The following TCF3 variants were observed in gnomAD, a reference collection of about 807,000 sequenced individuals.
TCF3 encodes the protein transcription factor 3.
In TCF3, 54 loss-of-function variants were observed where a neutral mutation model predicts 72.3. That is an observed-to-expected ratio of 0.75 (90% CI 0.60 to 0.94). TCF3 has a LOEUF of 0.94. Ranked by LOEUF, TCF3 falls within the 40% of genes least tolerant of loss-of-function variation. TCF3 has a pLI of 0.00. For synonymous variants in TCF3, 525 were observed against 412.6 expected, an observed-to-expected ratio of 1.27 and a Z score of -3.30; for missense variants, 1,078 against 934.4, an observed-to-expected ratio of 1.15 and a Z score of -2.00.
At chr19:1,624,581 C>T (rs1370560721) in intron 7 of TCF3, among the ~76,000 whole-genome samples, 4 of 152,134 alleles carry the variant, frequency 2.6e-5, no homozygotes, top group Non-Finnish European at 4.4e-5. Flanking sequence ...CCAAGATGGC[C>T]CCGACTATCC....
Position 1,646,741 on chromosome 19 carries a change from G to A in TCF3, c.73-314C>T, listed in dbSNP as rs544953087. Among the ~76,000 whole-genome samples, 4 of 152,358 alleles carry A rather than the reference G, an allele frequency of 2.6e-5. No individual in the cohort carries two copies. In the South Asian group the frequency reaches 6.2e-4, roughly 24 times the overall value. On this transcript the variant is annotated intron_variant, in intron 2 of 18. Transcript: ENST00000262965. Reference sequence around the variant, plus strand: ...TGTTCCCCCTGCCTTTGCTCTGGGGGGAGGGGTATCCCATTAGGCGAAGGA... The same window carrying A: ...TGTTCCCCCTGCCTTTGCTCTGGGGAGAGGGGTATCCCATTAGGCGAAGGA...
chr19:1,627,619 C>T (rs886967296), intron 5 of TCF3, among the ~76,000 whole-genome samples, 193 bp from the exon 6 acceptor site: 29 of 152,200 alleles, frequency 1.9e-4, no homozygotes, highest in East Asian at 7.7e-4. Flanking sequence ...GCCCATCTCC[C>T]GCAGAGCCCT....
At chr19:1,620,338 C>T (rs1017291899) in intron 13 of TCF3, among the ~76,000 whole-genome samples, 1 of 152,108 alleles carries the variant, frequency 6.6e-6, no homozygotes, top group Non-Finnish European at 1.5e-5. Context: ...GTTCTCACTC[C>T]CCCTCCTCCT....
intron 3 of TCF3, among the ~76,000 whole-genome samples, chr19:1,643,858 G>A (rs545540303): frequency 6.6e-6 from 1 of 152,354 alleles, no homozygotes; most frequent in South Asian, 2.1e-4. Flanking sequence ...AAAGCGAGGT[G>A]ACTTAAAAGG....
In TCF3 at chr19:1,636,961, G is replaced by T. The variant is rs535517885; in HGVS notation, c.146-4556C>A. ...ACCACACACCACCCTAAGAGTGGGG[G>T]TCCCCACAGCACCTAAAGTGGCAGG... is the stretch of plus-strand genomic sequence containing the variant. On this transcript the variant is annotated intron_variant, in intron 3 of 18. Transcript: ENST00000262965. 3.3e-5 allele frequency among the ~76,000 whole-genome samples: 5 copies of T among 152,278 alleles called. No homozygotes were observed. In the East Asian group the frequency reaches 9.7e-4, roughly 29 times the overall value.
At position 1,623,962 on chromosome 19, in the gene TCF3, G is replaced by A; in HGVS notation, c.538C>T (p.Leu180Phe). The change falls in exon 8 of 19, where the codon CTT (leucine) becomes TTT (phenylalanine). Residue 180 changes from leucine (L) to phenylalanine (F), a missense_variant. Physicochemically the swap from Leu to Phe is conservative, Grantham distance 22 (BLOSUM62 0). Transcript: ENST00000262965. The part of the protein sequence containing the change: ...PKKVRKVPPG[L>F]PSSVYPPSSG... ...CTCGTGCGACTCACCGAGGATGGAA[G>A]ACCCGGCGGGACCTTCCGGACCTTC... 5.0e-6 allele frequency: 8 copies of A among 1,613,546 alleles called. No homozygotes were observed. The highest frequency in any genetic ancestry group is 4.5e-5 in the East Asian group (2 of 44,888).
In TCF3 at chr19:1,611,601, GGT is replaced by G. The variant is rs2060989146; in HGVS notation, c.*104_*105del. The G allele has an allele frequency of 7.0e-7, 1 of 1,438,794 alleles. No homozygotes were observed. The highest frequency in any genetic ancestry group is 9.3e-7 in the Non-Finnish European group (1 of 1,070,000). 89.1% of individuals were successfully genotyped at this position (1,438,794 alleles called of 1,614,324 possible). A position where few individuals can be genotyped will look rare whatever the true frequency, so the allele number is the denominator to read the frequency against. On this transcript the variant is annotated 3_prime_UTR_variant, in exon 19 of 19. Coordinates refer to ENST00000262965, the MANE Select transcript of TCF3 (RefSeq NM_003200.5). Reference sequence around the variant, plus strand: ...TGGTGTTGGCTCGATGCTGACAACAGGTGTGTGAGGTGTGGATGTGGATGAAG... The same window carrying G: ...TGGTGTTGGCTCGATGCTGACAACAGGTGTGAGGTGTGGATGTGGATGAAG...
At position 1,609,442 on chromosome 19, in the gene TCF3, T is replaced by C. The variant is rs11882971; in HGVS notation, c.*2265A>G. The C allele has an allele frequency of 3.2e-3, 683 of 212,966 alleles. 8 individuals are homozygous for C. The highest frequency in any genetic ancestry group is 0.015 in the African/African-American group (652 of 43,998). The allele number at this position is 212,966 out of a possible 1,614,324, so 13.2% of individuals were successfully genotyped here. The stretch of plus-strand genomic sequence containing the variant: ...ATTATTTTCTTTAAAAAAATTTTTT[T>C]GAAAACCATCTTGAGGCACTCAGAT... On this transcript the variant is annotated 3_prime_UTR_variant, in exon 19 of 19. Coordinates refer to ENST00000262965, the MANE Select transcript of TCF3 (RefSeq NM_003200.5).
rs946121090 is a variant in TCF3, at chr19:1,631,825, A to G, written c.298+213T>C. 1.2e-5 allele frequency: 16 copies of G among 1,294,376 alleles called. No homozygotes were observed. In the African/African-American group the frequency reaches 2.2e-4, roughly 18 times the overall value. 80.2% of individuals were successfully genotyped at this position (1,294,376 alleles called of 1,614,324 possible). ...TCCCTGCCTCTACGCTCAGGCGGGG[A>G]AGCCTAGTTGCAGAGTGCCGTGCCA... On this transcript the variant is annotated intron_variant, in intron 5 of 18. Coordinates refer to ENST00000262965, the MANE Select transcript of TCF3 (RefSeq NM_003200.5).
chr19:1,641,542 T>C (rs2065243861), intron 3 of TCF3, among the ~76,000 whole-genome samples: 1 of 152,152 alleles, frequency 6.6e-6, no homozygotes, highest in African/African-American at 2.4e-5. Context: ...AACCTCCGCC[T>C]CCCAGGTTCA....
Position 1,614,576 on chromosome 19 carries a change from G to A in TCF3, c.1822+709C>T, listed in dbSNP as rs2061361195. Among the ~76,000 whole-genome samples, 1 of 152,152 alleles carries A rather than the reference G, an allele frequency of 6.6e-6. No homozygotes were observed. Among genetic ancestry groups the A allele is most frequent in the African/African-American group, 2.4e-5 (1 of 41,410 alleles). On this transcript the variant is annotated intron_variant, in intron 18 of 18. Coordinates refer to ENST00000262965, the MANE Select transcript of TCF3 (RefSeq NM_003200.5). The surrounding 1 kb of genome is among the most constrained non-coding windows in gnomAD (Gnocchi z 5.6). Reference sequence around the variant, plus strand: ...CCTTAGAGCTGAGGGGATAGCGTGTGGGCCGGGCCGGGGCTCTGGCTCCGG... The same window carrying A: ...CCTTAGAGCTGAGGGGATAGCGTGTAGGCCGGGCCGGGGCTCTGGCTCCGG...
chr19:1,648,508 G>A (rs927372232), intron 2 of TCF3, among the ~76,000 whole-genome samples: 36 of 152,246 alleles, frequency 2.4e-4, no homozygotes, highest in Non-Finnish European at 3.1e-4. Flanking sequence ...CCCAAACGCT[G>A]GTCTGTTCCA....
At chr19:1,622,482 G>C in intron 8 of TCF3, 67 bp from the exon 9 acceptor site, 1 of 889,834 alleles carries the variant, frequency 1.1e-6, no homozygotes, top group East Asian at 2.9e-5. Flanking sequence ...CATGCACCTT[G>C]CCGGCCTCCT....
chr19:1,621,790 G>A, intron 11 of TCF3, 48 bp downstream of exon 11: 1 of 1,515,592 alleles, frequency 6.6e-7, no homozygotes, highest in Admixed American at 2.2e-5. Flanking sequence ...ACCCTGCCTG[G>A]AGCCCAGTGT....
At position 1,619,182 on chromosome 19, in the gene TCF3, T is replaced by C. The variant is rs775736166; in HGVS notation, c.1379A>G (p.His460Arg). 1.9e-5 allele frequency: 30 copies of C among 1,600,318 alleles called. No individual in the cohort carries two copies. The highest frequency in any genetic ancestry group is 2.2e-5 in the Non-Finnish European group (26 of 1,179,708). The change falls in exon 16 of 19, where the codon CAC (histidine) becomes CGC (arginine). Residue 460 changes from histidine to arginine, a missense_variant. By Grantham distance (29) the His-to-Arg change is conservative (BLOSUM62 0). Transcript: ENST00000262965. Reference sequence around the variant, plus strand: ...CTGGCTGGGGAGGGCCGCGTGGTTGTGCATGAGGCTGGTGCTGCCTGCGAG... The same window carrying C: ...CTGGCTGGGGAGGGCCGCGTGGTTGCGCATGAGGCTGGTGCTGCCTGCGAG... ...DGLAGSTSLM[H>R]NHAALPSQPG...
intron 5 of TCF3, among the ~76,000 whole-genome samples, chr19:1,631,117 G>A (rs964507146): frequency 1.3e-5 from 2 of 152,206 alleles, no homozygotes; most frequent in Non-Finnish European, 2.9e-5. Flanking sequence ...GCATTGGGCA[G>A]GGCCTGCAGA....
chr19:1,619,131 C>T lies in TCF3; in HGVS notation c.1430G>A (p.Arg477Gln), dbSNP rs199957863. 1.7e-4 allele frequency: 264 copies of T among 1,599,728 alleles called. No individual in the cohort carries two copies. The highest frequency in any genetic ancestry group is 2.1e-4 in the Non-Finnish European group (246 of 1,179,736). The change falls in exon 16 of 19, where the codon CGG becomes CAG. Residue 477 changes from arginine to glutamine, a missense_variant. Coordinates refer to ENST00000262965, the MANE Select transcript of TCF3 (RefSeq NM_003200.5). ...SQPGTLPDLS[R>Q]PPDSYSGLGR... ...CTTACCACTGTAGGAGTCGGGAGGC[C>T]GAGACAGGTCAGGGAGGGTGCCTGG...
At position 1,627,871 on chromosome 19, in the gene TCF3, G is replaced by A. The variant is rs1158601259; in HGVS notation, c.299-445C>T. On this transcript the variant is annotated intron_variant, in intron 5 of 18. Transcript: ENST00000262965. The stretch of plus-strand genomic sequence containing the variant: ...GGTGAGGCGGGAAGGGGACAGCAGA[G>A]CTCACAGGGGGTGAGGCGGGAAGGG... Among the ~76,000 whole-genome samples, 13 of 11,008 alleles carry A rather than the reference G, an allele frequency of 1.2e-3. 1 individual carries two copies. In the East Asian group the frequency reaches 0.019, roughly 16 times the overall value. 7.2% of individuals were successfully genotyped at this position (11,008 alleles called of 152,430 possible).
intron 3 of TCF3, among the ~76,000 whole-genome samples, 192 bp downstream of exon 3, chr19:1,646,163 C>T (rs1420336326): frequency 6.6e-6 from 1 of 152,180 alleles, no homozygotes; most frequent in Non-Finnish European, 1.5e-5. Flanking sequence ...CTCGGGCTCC[C>T]AAGGCAGGTC....
Sources: gnomAD v4.1 joint callset for allele counts (sites outside exome capture counted in the v4.1 genomes callset) on GRCh38, gnomAD v4.1.1 for gene constraint, Gnocchi (gnomAD v3.1) non-coding constraint, MANE v1.5 for transcripts, NCBI Gene and HGNC (gene_info 2026-07-23, HGNC 2026-07-21) for gene names.